MCF2L: variants seen among roughly 807,000 people sequenced by gnomAD.
MCF2L encodes the protein guanine nucleotide exchange factor DBS.
A neutral mutation model predicts 153.4 loss-of-function variants in MCF2L; 97 were observed. That is an observed-to-expected ratio of 0.63 (90% CI 0.54 to 0.75). The LOEUF (loss-of-function observed/expected upper bound fraction) is 0.75. Ranked by LOEUF, MCF2L falls within the 30% of genes least tolerant of loss-of-function variation. MCF2L has a pLI of 0.00. For missense variants in MCF2L, 1,347 were observed against 1,495.2 expected (o/e 0.90, Z 1.64); for synonymous variants, 659 against 632.2 (o/e 1.04, Z -0.64).
Position 113,016,617 on chromosome 13 carries a change from G to A in MCF2L, c.163+1771G>A, listed in dbSNP as rs539834958. ...AGTCCCCTGTGGTACTGCTGCCCCC[G>A]CGTCATATGCTGCCCCCGCGTCGTA... is the stretch of plus-strand genomic sequence containing the variant. On this transcript the variant is annotated intron_variant, in intron 2 of 29. Coordinates refer to ENST00000535094, the MANE Select transcript of MCF2L (RefSeq NM_001112732.3). Among the ~76,000 whole-genome samples, 5 of 143,800 alleles carry A rather than the reference G, an allele frequency of 3.5e-5. No individual in the cohort carries two copies. In the South Asian group the frequency reaches 7.6e-4, roughly 22 times the overall value. 94.3% of individuals were successfully genotyped at this position (143,800 alleles called of 152,430 possible).
intron 1 of MCF2L, among the ~76,000 whole-genome samples, chr13:113,003,836 G>T (rs948232018): frequency 6.6e-6 from 1 of 152,210 alleles, no homozygotes; most frequent in African/African-American, 2.4e-5. Flanking sequence ...GAAGGAACTT[G>T]CCACCTGTGG....
intron 2 of MCF2L, among the ~76,000 whole-genome samples, chr13:112,920,619 G>C (rs1004945484): frequency 2.0e-5 from 3 of 151,764 alleles, no homozygotes; most frequent in African/African-American, 7.3e-5. Context: ...GAAGCTGGAG[G>C]GGAGCAGTTA....
In MCF2L at chr13:113,082,553, C is replaced by A. The variant is rs1380262642; in HGVS notation, c.1991+11C>A. The A allele has an allele frequency of 1.3e-6, 2 of 1,549,792 alleles. No individual in the cohort carries two copies. The highest frequency in any genetic ancestry group is 1.1e-5 in the South Asian group (1 of 89,294). On this transcript the variant is annotated intron_variant, in intron 17 of 29. Coordinates refer to ENST00000535094, the MANE Select transcript of MCF2L (RefSeq NM_001112732.3). ...TCACTTCCACAACAGGTGGGCCCTT[C>A]CCCCCGACACAGGCACGCACCCGTG...
Position 113,094,644 on chromosome 13 carries a change from G to C in MCF2L, c.3075+9G>C. On this transcript the variant is annotated intron_variant, in intron 27 of 29. Coordinates refer to ENST00000535094, the MANE Select transcript of MCF2L (RefSeq NM_001112732.3). The stretch of plus-strand genomic sequence containing the variant: ...TGGGCCCCAAGAAGCTGGTAACCAC[G>C]GCTTCCCTGTGGGCACTTGGGGTGG... The C allele has an allele frequency of 6.2e-7, 1 of 1,606,644 alleles. No homozygotes were observed. The highest frequency in any genetic ancestry group is 8.5e-7 in the Non-Finnish European group (1 of 1,177,342).
chr13:113,046,565 C>T lies in MCF2L; in HGVS notation c.369+1204C>T, dbSNP rs370923019. On this transcript the variant is annotated intron_variant, in intron 4 of 29. Transcript: ENST00000535094. This position sits in a 1 kb window ranked among gnomAD's most constrained non-coding sequence, Gnocchi z 4.4. ...TACTGAAAAAAGTCATTCCTTTCCC[C>T]GCACATTGCCTCATTCCTTCATCTT... 1.1e-4 allele frequency: 60 copies of T among 533,344 alleles called. 1 individual carries two copies. The highest frequency in any genetic ancestry group is 9.8e-4 in the African/African-American group (51 of 52,042). The allele number at this position is 533,344 out of a possible 1,614,324, so 33.0% of individuals were successfully genotyped here. A position where few individuals can be genotyped will look rare whatever the true frequency, so the allele number is the denominator to read the frequency against.
chr13:113,015,570 C>T (rs577415949), intron 2 of MCF2L, among the ~76,000 whole-genome samples: 1 of 152,286 alleles, frequency 6.6e-6, no homozygotes, highest in East Asian at 1.9e-4. Flanking sequence ...GTCAGCATCC[C>T]GGCCCCCAAT....
chr13:113,080,087 A>G (rs1163358039), intron 15 of MCF2L, among the ~76,000 whole-genome samples: 2 of 30,432 alleles, frequency 6.6e-5, no homozygotes, highest in Non-Finnish European at 1.3e-4. Flanking sequence ...AGGAGAGTCC[A>G]GGCAGAGGAG....
At chr13:113,012,207 G>A (rs1189785698) in intron 1 of MCF2L, among the ~76,000 whole-genome samples, 3 of 93,562 alleles carry the variant, frequency 3.2e-5, no homozygotes, top group African/African-American at 7.6e-5. Flanking sequence ...CGGTGTGGAC[G>A]GTGGACAGGC....
chr13:113,051,376 T>C (rs955967845), intron 4 of MCF2L, among the ~76,000 whole-genome samples: 6 of 152,148 alleles, frequency 3.9e-5, no homozygotes, highest in Admixed American at 6.5e-5. Context: ...GTGCCGGTCA[T>C]GCAGAATATT....
intron 11 of MCF2L, among the ~76,000 whole-genome samples, chr13:113,075,736 G>A (rs1046909163): frequency 1.1e-5 from 1 of 89,944 alleles, no homozygotes; most frequent in Non-Finnish European, 2.6e-5. Flanking sequence ...CACTGGTGTT[G>A]TCCAGCACTG....
intron 2 of MCF2L, among the ~76,000 whole-genome samples, chr13:112,948,522 T>G (rs1566655659): frequency 6.6e-6 from 1 of 152,228 alleles, no homozygotes; most frequent in Non-Finnish European, 1.5e-5. Context: ...CACAATTCAG[T>G]CAAGTTTTTT....
chr13:113,043,166 C>T (rs370447024), intron 3 of MCF2L: 39 of 152,354 alleles, frequency 2.6e-4, no homozygotes, highest in African/African-American at 7.7e-4. Flanking sequence ...CACCAGAGCC[C>T]GCCAGTGTCG....
chr13:113,096,302 C>T, intron 27 of MCF2L, 69 bp from the exon 28 acceptor site: 1 of 1,262,044 alleles, frequency 7.9e-7, no homozygotes, highest in Admixed American at 2.0e-5. Context: ...GGCACTCCGC[C>T]TGGCTGCTGT....
intron 2 of MCF2L, among the ~76,000 whole-genome samples, chr13:112,936,035 A>G (rs3011484): frequency 0.77 from 116,606 of 152,044 alleles, 44,826 homozygotes; most frequent in East Asian, 0.83. Context: ...ATCCCAGCAC[A>G]TTGGGAGGCC....
chr13:113,066,158 C>A lies in MCF2L; in HGVS notation c.869C>A (p.Ala290Asp). 6.2e-7 allele frequency: 1 copy of A among 1,612,096 alleles called. No individual in the cohort carries two copies. Among genetic ancestry groups the A allele is most frequent in the South Asian group, 1.1e-5 (1 of 90,958 alleles). The change falls in exon 8 of 30, where the codon GCC becomes GAC. Residue 290 changes from alanine to aspartate, a missense_variant. Around this residue, in one of 3 missense-constraint regions of MCF2L, gnomAD observed 820 missense variants for 921.2 expected, o/e 0.89. Transcript: ENST00000535094. ...SVNQDQLDNQ[A>D]TVQRLLAQLN... The stretch of plus-strand genomic sequence containing the variant: ...AACCAGGACCAGCTTGACAACCAGG[C>A]CACCGTGCAGAGGTGAGGCCCGGCT...
chr13:113,085,543 G>A (rs1283761966), intron 20 of MCF2L, among the ~76,000 whole-genome samples: 2 of 152,172 alleles, frequency 1.3e-5, no homozygotes, highest in South Asian at 2.1e-4. Context: ...TGCCATGTGG[G>A]TCCCTCTAAC....
chr13:112,980,598 G>T (rs1416569147), intron 1 of MCF2L, among the ~76,000 whole-genome samples: 4 of 91,592 alleles, frequency 4.4e-5, no homozygotes, highest in African/African-American at 1.3e-4. Flanking sequence ...AGCCAGGAGG[G>T]CCACCATGCG....
At chr13:113,075,685 C>T (rs2033393878) in intron 11 of MCF2L, among the ~76,000 whole-genome samples, 1 of 152,238 alleles carries the variant, frequency 6.6e-6, no homozygotes, top group Non-Finnish European at 1.5e-5. Flanking sequence ...GTTGATCCTA[C>T]TGCACTTACC....
At chr13:112,899,506 C>T (rs1363092412) in intron 1 of MCF2L, among the ~76,000 whole-genome samples, 1 of 152,220 alleles carries the variant, frequency 6.6e-6, no homozygotes, top group East Asian at 1.9e-4. Flanking sequence ...AAACCCACTG[C>T]TGGAGAAACA....
Sources: gnomAD v4.1 joint callset for allele counts (sites outside exome capture counted in the v4.1 genomes callset) on GRCh38, gnomAD v4.1.1 for gene constraint, gnomAD v4.1.1 regional missense constraint, Gnocchi (gnomAD v3.1) non-coding constraint, MANE v1.5 for transcripts, NCBI Gene and HGNC (gene_info 2026-07-23, HGNC 2026-07-21) for gene names.